Variants in SUCLA2 observed in about 807,000 individuals in gnomAD.
SUCLA2 encodes the protein succinate--CoA ligase [ADP-forming] subunit beta, mitochondrial.
Under a neutral mutation model 54.8 loss-of-function variants are expected in SUCLA2, and 30 were observed. That is an observed-to-expected ratio of 0.55 (90% CI 0.41 to 0.74). The LOEUF (loss-of-function observed/expected upper bound fraction) is 0.74. Ranked by LOEUF, SUCLA2 falls within the 30% of genes least tolerant of loss-of-function variation. The pLI is 0.00. For synonymous variants in SUCLA2, 172 were observed against 188.9 expected (o/e 0.91, Z 0.74); for missense variants, 476 against 562.9 (o/e 0.85, Z 1.56).
intron 6 of SUCLA2, among the ~76,000 whole-genome samples, chr13:47,960,228 T>C (rs1949858655): frequency 6.6e-6 from 1 of 152,176 alleles, no homozygotes; most frequent in African/African-American, 2.4e-5. Flanking sequence ...TATAAAACCG[T>C]AAACTTTTTA....
At chr13:47,990,906 C>G (rs1025530422) in intron 2 of SUCLA2, among the ~76,000 whole-genome samples, 2 of 152,196 alleles carry the variant, frequency 1.3e-5, no homozygotes, top group African/African-American at 4.8e-5. Context: ...TAAGCCTTCA[C>G]CAGAAATACA....
At chr13:47,963,363 G>A (rs189931410) in intron 6 of SUCLA2, among the ~76,000 whole-genome samples, 1 of 152,300 alleles carries the variant, frequency 6.6e-6, no homozygotes, top group East Asian at 1.9e-4. Flanking sequence ...CAGATAGAAG[G>A]CCAGGTGCAG....
At chr13:47,973,111 A>G (rs1474132205) in intron 5 of SUCLA2, among the ~76,000 whole-genome samples, 153 bp downstream of exon 5, 3 of 152,194 alleles carry the variant, frequency 2.0e-5, no homozygotes. Context: ...AATTGTAAAT[A>G]ATTCCAAAAT....
chr13:47,966,515 T>A, intron 6 of SUCLA2, among the ~76,000 whole-genome samples: 1 of 100,004 alleles, frequency 1.0e-5, no homozygotes, highest in East Asian at 2.8e-4. Flanking sequence ...GCAAAAGTAA[T>A]TGCCGTTTTT....
intron 4 of SUCLA2, among the ~76,000 whole-genome samples, chr13:47,986,617 C>T (rs950699761): frequency 4.6e-5 from 7 of 152,038 alleles, no homozygotes; most frequent in African/African-American, 7.3e-5. Context: ...AATCTTTGCC[C>T]GCGCCTATGT....
At chr13:47,975,698 A>G (rs1950006659) in intron 4 of SUCLA2, among the ~76,000 whole-genome samples, 1 of 152,226 alleles carries the variant, frequency 6.6e-6, no homozygotes, top group South Asian at 2.1e-4. Flanking sequence ...GTAACAAGGA[A>G]TTCGGATGAC....
intron 8 of SUCLA2, among the ~76,000 whole-genome samples, chr13:47,953,593 C>T (rs1391931145): frequency 6.6e-6 from 1 of 152,088 alleles, no homozygotes; most frequent in Non-Finnish European, 1.5e-5. Context: ...TAAAAATATA[C>T]ATTGCCAGCA....
chr13:47,960,083 CT>C (rs1354936752), intron 6 of SUCLA2, among the ~76,000 whole-genome samples: 1 of 151,970 alleles, frequency 6.6e-6, no homozygotes, highest in Non-Finnish European at 1.5e-5. Flanking sequence ...TTGGGAGGTT[CT>C]GGGTAACACT....
chr13:47,954,627 T>A, intron 6 of SUCLA2, 70 bp from the exon 7 acceptor site: 1 of 1,500,464 alleles, frequency 6.7e-7, no homozygotes, highest in Non-Finnish European at 9.2e-7. Context: ...AATAGTCAAA[T>A]GGTCTTTCAT....
chr13:47,996,745 T>TAA, intron 2 of SUCLA2, 98 bp downstream of exon 2: 1 of 1,122,970 alleles, frequency 8.9e-7, no homozygotes. Context: ...GTATTTTTTT[T>TAA]AAAAAAAAGC....
At chr13:47,998,737 T>G (rs1477464627) in intron 1 of SUCLA2, among the ~76,000 whole-genome samples, 2 of 152,176 alleles carry the variant, frequency 1.3e-5, no homozygotes, top group Non-Finnish European at 2.9e-5. Context: ...GTTGCTACCT[T>G]CTGTCAGGGA....
intron 4 of SUCLA2, 34 bp downstream of exon 4, chr13:47,988,507 T>G (rs1950122978): frequency 1.2e-6 from 2 of 1,609,148 alleles, no homozygotes; most frequent in Non-Finnish European, 1.7e-6. Context: ...TGTCATAAAT[T>G]TATCCCGTAT....
intron 4 of SUCLA2, among the ~76,000 whole-genome samples, chr13:47,982,010 G>A (rs917015307): frequency 5.9e-5 from 9 of 151,920 alleles, no homozygotes; most frequent in African/African-American, 1.7e-4. Context: ...TAAATAAAAC[G>A]GTACAGCTGC....
intron 6 of SUCLA2, among the ~76,000 whole-genome samples, chr13:47,967,123 T>G (rs1245745697): frequency 1.3e-5 from 2 of 152,206 alleles, no homozygotes; most frequent in Non-Finnish European, 2.9e-5. Context: ...TGCTGAAACT[T>G]TTTAATTTGT....
At chr13:47,967,498 A>G (rs2137713966) in intron 6 of SUCLA2, among the ~76,000 whole-genome samples, 1 of 152,314 alleles carries the variant, frequency 6.6e-6, no homozygotes, top group East Asian at 1.9e-4. Context: ...TTGAGGATGA[A>G]TATTTACTGA....
rs756925380 is a variant in SUCLA2, at chr13:47,992,239, A to AT, written c.272-3259dup. ...GACCTATTAAGAGTAACGAAGCTCTATTTTTTCAAAAACACTTGGCAAGAC... is the reference window on the plus strand; with the variant it reads ...GACCTATTAAGAGTAACGAAGCTCTATTTTTTTCAAAAACACTTGGCAAGAC... On this transcript the variant is annotated intron_variant, in intron 2 of 10. Transcript: ENST00000646932. 1.8e-3 allele frequency among the ~76,000 whole-genome samples: 277 copies of AT among 152,140 alleles called. 1 individual carries two copies. The highest frequency in any genetic ancestry group is 3.2e-3 in the Non-Finnish European group (219 of 67,990).
chr13:47,979,327 T>C (rs1950043069), intron 4 of SUCLA2, among the ~76,000 whole-genome samples: 1 of 152,218 alleles, frequency 6.6e-6, no homozygotes, highest in South Asian at 2.1e-4. Flanking sequence ...GATGAGTTCA[T>C]ATCCTTTGCA....
intron 8 of SUCLA2, among the ~76,000 whole-genome samples, chr13:47,950,168 A>C (rs1566081023): frequency 1.3e-5 from 2 of 152,358 alleles, no homozygotes; most frequent in East Asian, 1.9e-4. Flanking sequence ...AGCATAAATG[A>C]CAACTCATAA....
chr13:47,970,439 A>G (rs1440841168), intron 5 of SUCLA2, among the ~76,000 whole-genome samples: 4 of 152,194 alleles, frequency 2.6e-5, no homozygotes, highest in Admixed American at 1.3e-4. Context: ...TCCAGTCATC[A>G]TCTTCACGTA....
Sources: allele counts gnomAD v4.1 joint callset (sites outside exome capture counted in the v4.1 genomes callset), GRCh38; gene constraint gnomAD v4.1.1; transcripts MANE v1.5; gene names NCBI Gene and HGNC (gene_info 2026-07-23, HGNC 2026-07-21).